Variants in NAA35 observed in about 807,000 individuals in gnomAD.
NAA35 encodes MAK10 homolog, amino-acid N-acetyltransferase subunit.
A neutral mutation model predicts 101.7 loss-of-function variants in NAA35; 18 were observed. The ratio of observed to expected loss-of-function variants is 0.18; its 90% CI spans 0.12 to 0.26. The LOEUF is 0.26. NAA35 is among the 10% of genes least tolerant of loss of function. The pLI, the probability that NAA35 is intolerant of heterozygous loss-of-function variation, is 1.00. For synonymous variants in NAA35, 267 were observed against 273.1 expected (o/e 0.98, Z 0.22); for missense variants, 601 against 886.8 (o/e 0.68, Z 4.09).
At chr9:85,993,124 T>C (rs1001972923) in intron 11 of NAA35, among the ~76,000 whole-genome samples, 6 of 152,200 alleles carry the variant, frequency 3.9e-5, no homozygotes, top group African/African-American at 1.4e-4. Flanking sequence ...AGAAGTCAGA[T>C]ATAAATGAGT....
At chr9:85,999,131 T>G (rs752545877) in intron 12 of NAA35, among the ~76,000 whole-genome samples, 1 of 152,220 alleles carries the variant, frequency 6.6e-6, no homozygotes, top group Non-Finnish European at 1.5e-5. Flanking sequence ...GCTCTTATTC[T>G]GTCATAAGAA....
At chr9:85,977,513 A>C (rs1587606496) in intron 10 of NAA35, 67 bp downstream of exon 10, 2 of 1,137,628 alleles carry the variant, frequency 1.8e-6, no homozygotes, top group Non-Finnish European at 2.7e-6. Context: ...TGAGTGAAGC[A>C]GTTCTGAAAC....
chr9:86,002,639 G>C (rs980219629), intron 12 of NAA35, among the ~76,000 whole-genome samples: 1 of 151,902 alleles, frequency 6.6e-6, no homozygotes, highest in African/African-American at 2.4e-5. Context: ...CCTCACCTCA[G>C]TTTATTTTGC....
rs187976003 is a variant in NAA35, at chr9:86,010,017, G to A, written c.1290+86G>A. ...GCACGGTGGCTCACTTTGGGAGGCT[G>A]AGGCAGGTGGATCACCTGAGGTCAG... On this transcript the variant is annotated intron_variant, in intron 15 of 22. Transcript: ENST00000361671. The A allele has an allele frequency of 7.0e-4, 690 of 984,462 alleles. 5 individuals carry two copies. The highest frequency in any genetic ancestry group is 8.3e-4 in the African/African-American group (52 of 62,712). The allele number at this position is 984,462 out of a possible 1,614,324, so 61.0% of individuals were successfully genotyped here.
chr9:85,941,357 TG>T, intron 1 of NAA35, 84 bp downstream of exon 1: 2 of 985,542 alleles, frequency 2.0e-6, no homozygotes, highest in Non-Finnish European at 2.4e-6. Flanking sequence ...TGGCAGATCC[TG>T]GGGACCCCAG....
chr9:86,019,800 G>C (rs973555809), intron 21 of NAA35, among the ~76,000 whole-genome samples: 1 of 152,186 alleles, frequency 6.6e-6, no homozygotes, highest in African/African-American at 2.4e-5. Flanking sequence ...CAGCAATTCT[G>C]CTTTTTGGGA....
intron 11 of NAA35, among the ~76,000 whole-genome samples, chr9:85,990,755 G>A (rs1365166132): frequency 6.6e-6 from 1 of 152,230 alleles, no homozygotes; most frequent in African/African-American, 2.4e-5. Context: ...CTGCCTTAGG[G>A]ATGATGATGG....
Position 86,022,288 on chromosome 9 carries a change from CA to C in NAA35, c.*338del, listed in dbSNP as rs140742240. ...TTATAAAGGTTAATAAATTTCTTGA[CA>C]AAAAAAAAATGCACTGCTGGAGATG... On this transcript the variant is annotated 3_prime_UTR_variant, in exon 23 of 23. Transcript: ENST00000361671. 2.8e-3 allele frequency: 459 copies of C among 165,944 alleles called. No homozygotes were observed. Among genetic ancestry groups the C allele is most frequent in the Middle Eastern group, 5.3e-3 (2 of 380 alleles). 10.3% of individuals were successfully genotyped at this position (165,944 alleles called of 1,614,324 possible). A position where few individuals can be genotyped will look rare whatever the true frequency, so the allele number is the denominator to read the frequency against.
intron 16 of NAA35, 60 bp from the exon 17 acceptor site, chr9:86,013,655 TAAAG>T: frequency 6.8e-7 from 1 of 1,463,112 alleles, no homozygotes; most frequent in Non-Finnish European, 9.3e-7. Context: ...TACGTTTTTT[TAAAG>T]TTCTGTCATT....
rs1195418126 is a variant in NAA35, at chr9:86,011,445, AC to A, written c.1290+1519del. On this transcript the variant is annotated intron_variant, in intron 15 of 22. Coordinates refer to ENST00000361671, the MANE Select transcript of NAA35 (RefSeq NM_024635.4). The stretch of plus-strand genomic sequence containing the variant: ...GTGATCTTGGCTCACTGCAACCTCT[AC>A]CCCCTGGGTTCAAGCAATCCTCCCA... 2.0e-4 allele frequency among the ~76,000 whole-genome samples: 30 copies of A among 150,590 alleles called. No homozygotes were observed. The East Asian group carries it at 5.1e-3, about 26-fold the overall frequency.
chr9:85,947,374 T>C (rs1481640340), intron 2 of NAA35, among the ~76,000 whole-genome samples: 1 of 152,188 alleles, frequency 6.6e-6, no homozygotes, highest in Admixed American at 6.6e-5. Context: ...GAGTCATTGT[T>C]CTAGGAATTT....
intron 6 of NAA35, among the ~76,000 whole-genome samples, chr9:85,967,310 T>A (rs1829789186): frequency 1.3e-5 from 2 of 152,054 alleles, no homozygotes; most frequent in Admixed American, 1.3e-4. Flanking sequence ...AATGCATATG[T>A]CAAAAGGTTA....
intron 5 of NAA35, 73 bp downstream of exon 5, chr9:85,959,940 A>C: frequency 9.0e-7 from 1 of 1,106,944 alleles, no homozygotes; most frequent in Non-Finnish European, 1.3e-6. Context: ...TTAAAAGCCT[A>C]TACACTAATG....
At chr9:85,967,884 T>G (rs1228707726) in intron 6 of NAA35, among the ~76,000 whole-genome samples, 1 of 152,168 alleles carries the variant, frequency 6.6e-6, no homozygotes, top group Non-Finnish European at 1.5e-5. Flanking sequence ...TATTTTGTTC[T>G]CAGGCGTGTC....
chr9:86,005,777 C>T (rs1294538545), intron 13 of NAA35, among the ~76,000 whole-genome samples: 1 of 151,726 alleles, frequency 6.6e-6, no homozygotes, highest in East Asian at 1.9e-4. Flanking sequence ...TAATATTCAG[C>T]AATATTCAAT....
At chr9:85,979,952 A>G (rs79165187) in intron 11 of NAA35, among the ~76,000 whole-genome samples, 2,665 of 152,242 alleles carry the variant, frequency 0.018, 77 homozygotes, top group African/African-American at 0.059. Context: ...TTCCTCCCCA[A>G]ACACCAGTTC....
At chr9:85,997,874 C>G (rs1423208493) in intron 12 of NAA35, among the ~76,000 whole-genome samples, 4 of 152,062 alleles carry the variant, frequency 2.6e-5, no homozygotes, top group African/African-American at 9.7e-5. Context: ...CACATACATA[C>G]ATACATATAT....
At chr9:85,949,356 G>C (rs1256285539) in intron 2 of NAA35, among the ~76,000 whole-genome samples, 1 of 149,066 alleles carries the variant, frequency 6.7e-6, no homozygotes, top group Admixed American at 6.7e-5. Flanking sequence ...GTGTAATGGC[G>C]CAATCTCGGC....
At chr9:85,965,596 T>C (rs1188226368) in intron 6 of NAA35, among the ~76,000 whole-genome samples, 1 of 152,016 alleles carries the variant, frequency 6.6e-6, no homozygotes, top group Non-Finnish European at 1.5e-5. Flanking sequence ...GCTATTTTAC[T>C]CCAGTTTGTG....
Sources: allele counts gnomAD v4.1 joint callset (sites outside exome capture counted in the v4.1 genomes callset), GRCh38; gene constraint gnomAD v4.1.1; transcripts MANE v1.5; gene names NCBI Gene and HGNC (gene_info 2026-07-23, HGNC 2026-07-21).